The following ARB2A variants were observed in gnomAD, a reference collection of about 807,000 sequenced individuals.
ARB2A encodes the protein ARB2 cotranscriptional regulator A, also known as cotranscriptional regulator ARB2A.
At chr5:93,830,917 T>C in the ARB2A span, among the ~76,000 whole-genome samples, 1 of 152,168 alleles carries the variant, frequency 6.6e-6, no homozygotes, top group African/African-American at 2.4e-5. Context: ...TTCCTGCAAC[T>C]AGGTGGTCCT....
At chr5:93,813,535 T>C in the ARB2A span, among the ~76,000 whole-genome samples, 3 of 152,184 alleles carry the variant, frequency 2.0e-5, no homozygotes. Context: ...GCACTAAGGA[T>C]GTGGCTGAAC....
At chr5:93,670,595 G>GA in the ARB2A span, among the ~76,000 whole-genome samples, 4 of 152,092 alleles carry the variant, frequency 2.6e-5, no homozygotes, top group East Asian at 3.9e-4. Flanking sequence ...TTAAGTTTAG[G>GA]AAAAAAACAG....
the ARB2A span, among the ~76,000 whole-genome samples, chr5:93,720,093 AG>A: frequency 6.6e-6 from 1 of 152,232 alleles, no homozygotes. Context: ...ACTGGACTGC[AG>A]TCAACAGCTA....
At chr5:93,634,181 T>C in the ARB2A span, among the ~76,000 whole-genome samples, 4 of 151,704 alleles carry the variant, frequency 2.6e-5, no homozygotes, top group African/African-American at 9.7e-5. Context: ...GGCGGGCGGA[T>C]CACGAGGTCA....
At chr5:93,945,618 CA>C in the ARB2A span, among the ~76,000 whole-genome samples, 4 of 151,860 alleles carry the variant, frequency 2.6e-5, no homozygotes, top group African/African-American at 9.7e-5. Flanking sequence ...GGCAATCTCC[CA>C]GAAATGACTG....
chr5:94,057,470 G>A, the ARB2A span, among the ~76,000 whole-genome samples: 1 of 152,090 alleles, frequency 6.6e-6, no homozygotes, highest in Non-Finnish European at 1.5e-5. Context: ...TGGTGGTGAT[G>A]ACTGCACAAC....
chr5:93,979,855 T>C, the ARB2A span, among the ~76,000 whole-genome samples: 1 of 152,144 alleles, frequency 6.6e-6, no homozygotes. Context: ...TCTATTCCTC[T>C]AGTGACATCC....
chr5:94,106,319 A>G, the ARB2A span, among the ~76,000 whole-genome samples: 1 of 152,144 alleles, frequency 6.6e-6, no homozygotes. Context: ...GGCAAAGGAC[A>G]TGAACAGACA....
At chr5:93,858,394 C>G in the ARB2A span, among the ~76,000 whole-genome samples, 1 of 152,212 alleles carries the variant, frequency 6.6e-6, no homozygotes, top group Non-Finnish European at 1.5e-5. Flanking sequence ...TTCCTGAAAT[C>G]CAAATTCCCA....
At chr5:93,975,951 T>C in the ARB2A span, among the ~76,000 whole-genome samples, 1 of 151,712 alleles carries the variant, frequency 6.6e-6, no homozygotes, top group Admixed American at 6.6e-5. Flanking sequence ...AAAGATACAA[T>C]ACGAAATATC....
the ARB2A span, among the ~76,000 whole-genome samples, chr5:93,817,045 T>C: frequency 6.6e-6 from 1 of 151,702 alleles, no homozygotes; most frequent in Non-Finnish European, 1.5e-5. Context: ...TATTCACGAA[T>C]GATATGATCT....
chr5:93,828,090 A>G, the ARB2A span, among the ~76,000 whole-genome samples: 12 of 152,208 alleles, frequency 7.9e-5, no homozygotes, highest in South Asian at 2.3e-3. Flanking sequence ...TTTTGGTTCC[A>G]TATGAACTTT....
chr5:93,762,228 A>G, the ARB2A span, among the ~76,000 whole-genome samples: 1 of 152,344 alleles, frequency 6.6e-6, no homozygotes, highest in South Asian at 2.1e-4. Context: ...TGAGAGAAGA[A>G]GGCTTCAGAC....
the ARB2A span, among the ~76,000 whole-genome samples, chr5:94,066,536 A>G: frequency 6.6e-6 from 1 of 152,086 alleles, no homozygotes; most frequent in African/African-American, 2.4e-5. Context: ...CAGTAATAGA[A>G]AAGGTCATAA....
At chr5:93,764,614 G>A in the ARB2A span, among the ~76,000 whole-genome samples, 5 of 152,104 alleles carry the variant, frequency 3.3e-5, no homozygotes, top group Non-Finnish European at 7.3e-5. Flanking sequence ...TCTACAAGAG[G>A]TACAAACAGG....
At chr5:93,846,375 G>A in the ARB2A span, among the ~76,000 whole-genome samples, 1 of 151,752 alleles carries the variant, frequency 6.6e-6, no homozygotes, top group Non-Finnish European at 1.5e-5. Flanking sequence ...AGTGGCATGT[G>A]CCTGTAGTCT....
At chr5:93,885,648 T>C in the ARB2A span, among the ~76,000 whole-genome samples, 14 of 151,620 alleles carry the variant, frequency 9.2e-5, no homozygotes, top group African/African-American at 3.1e-4. Flanking sequence ...ATCAAGAGGA[T>C]ATATATTGGT....
the ARB2A span, among the ~76,000 whole-genome samples, chr5:93,665,871 C>G: frequency 6.6e-6 from 1 of 152,168 alleles, no homozygotes; most frequent in South Asian, 2.1e-4. Flanking sequence ...ATAATTTACA[C>G]ATGAATCAAC....
At chr5:93,687,065 A>G in the ARB2A span, among the ~76,000 whole-genome samples, 1 of 152,280 alleles carries the variant, frequency 6.6e-6, no homozygotes, top group Middle Eastern at 3.4e-3. Flanking sequence ...AATGTACCAC[A>G]TACAATAAGG....
Sources: allele counts gnomAD v4.1 joint callset (sites outside exome capture counted in the v4.1 genomes callset), GRCh38; gene constraint gnomAD v4.1.1; transcripts MANE v1.5; gene names NCBI Gene and HGNC (gene_info 2026-07-23, HGNC 2026-07-21).